CAST: variants seen among roughly 807,000 people sequenced by gnomAD.
CAST encodes the protein calpastatin.
A neutral mutation model predicts 119.6 loss-of-function variants in CAST; 76 were observed. The observed-to-expected ratio is 0.64, with a 90% CI of 0.53 to 0.77. CAST has a LOEUF of 0.77. Among genes scored for constraint, CAST ranks in the 30% least tolerant of loss-of-function variants. The pLI, the probability that CAST is intolerant of heterozygous loss-of-function variation, is 0.00. For synonymous variants in CAST, 319 were observed against 331.6 expected (o/e 0.96, Z 0.41); for missense variants, 953 against 946.5 (o/e 1.01, Z -0.09).
At chr5:96,379,121 A>C in the CAST span, among the ~76,000 whole-genome samples, 1 of 152,218 alleles carries the variant, frequency 6.6e-6, no homozygotes, top group African/African-American at 2.4e-5. Context: ...ATAGGATCAA[A>C]AATTAGGAAT....
chr5:96,325,798 A>C, the CAST span, among the ~76,000 whole-genome samples: 12 of 152,194 alleles, frequency 7.9e-5, no homozygotes, highest in Non-Finnish European at 1.5e-4. Context: ...CTTAGAAAGA[A>C]GCAATATAAA....
At chr5:96,403,297 G>T in the CAST span, among the ~76,000 whole-genome samples, 1 of 151,770 alleles carries the variant, frequency 6.6e-6, no homozygotes, top group Non-Finnish European at 1.5e-5. Flanking sequence ...TAAGTTCTAG[G>T]GTACATGTGC....
the CAST span, among the ~76,000 whole-genome samples, chr5:96,481,577 C>T: frequency 1.3e-5 from 2 of 152,160 alleles, no homozygotes; most frequent in Admixed American, 1.3e-4. Context: ...AGCCATAACA[C>T]TTCAGGAACT....
the CAST span, among the ~76,000 whole-genome samples, chr5:96,290,331 AG>A: frequency 1.3e-5 from 2 of 152,216 alleles, no homozygotes; most frequent in Non-Finnish European, 2.9e-5. Context: ...CTCAGGAAAA[AG>A]TTCATTCTCT....
At chr5:96,399,727 T>A in the CAST span, among the ~76,000 whole-genome samples, 940 of 152,222 alleles carry the variant, frequency 6.2e-3, 13 homozygotes, top group African/African-American at 0.022. Context: ...TTAGACTGGG[T>A]GCTATGTGGT....
At position 96,599,974 on chromosome 5, in the gene CAST, A is replaced by AAAAAAAAAACAAAAC. The variant is rs1554070022; in HGVS notation, c.60+70104_60+70105insAAAACAAAAAAAAAC. Among the ~76,000 whole-genome samples, 1,227 of 125,708 alleles carry AAAAAAAAAACAAAAC rather than the reference A, an allele frequency of 9.8e-3. 35 individuals carry two copies. The highest frequency in any genetic ancestry group is 0.031 in the African/African-American group (1,152 of 36,906). The allele number at this position is 125,708 out of a possible 152,430, so 82.5% of individuals were successfully genotyped here. ...ATTATTGCTTCATTAGGCAAAAAAA[A>AAAAAAAAAACAAAAC]AAAAAAAAACCCTCAAGCTCTGTTG... On this transcript the variant is annotated intron_variant, in intron 1 of 11. Coordinates refer to the CAST transcript ENST00000505143.
chr5:96,659,993 C>G (rs1748223180), upstream of CAST, among the ~76,000 whole-genome samples: 1 of 152,202 alleles, frequency 6.6e-6, no homozygotes, highest in Admixed American at 6.5e-5. Flanking sequence ...AATTGTTCTG[C>G]TTATGTGAGT....
chr5:96,529,325 T>A (rs1416302604), upstream of CAST, among the ~76,000 whole-genome samples: 2 of 152,056 alleles, frequency 1.3e-5, no homozygotes, highest in Non-Finnish European at 2.9e-5. Context: ...AAGGTACTCA[T>A]ATTGTTTTCT....
intron 1 of CAST, among the ~76,000 whole-genome samples, chr5:96,666,811 C>G (rs1159655155): frequency 2.0e-5 from 3 of 152,082 alleles, no homozygotes; most frequent in Non-Finnish European, 4.4e-5. Context: ...AATGCTATAG[C>G]CTTCTGGGGG....
At chr5:96,515,500 T>A in the CAST span, among the ~76,000 whole-genome samples, 22,475 of 152,000 alleles carry the variant, frequency 0.15, 1,987 homozygotes, top group Non-Finnish European at 0.2. Flanking sequence ...GGAGCCACAG[T>A]ATTCACGTCC....
the CAST span, among the ~76,000 whole-genome samples, chr5:96,142,687 C>T: frequency 7.9e-5 from 12 of 152,140 alleles, no homozygotes; most frequent in Non-Finnish European, 1.6e-4. Flanking sequence ...AATCTACTCA[C>T]ATGAGAAGAG....
At chr5:96,303,907 C>T in the CAST span, among the ~76,000 whole-genome samples, 1 of 152,156 alleles carries the variant, frequency 6.6e-6, no homozygotes, top group Admixed American at 6.5e-5. Context: ...CCACAATAAA[C>T]ATACGTGTGC....
At chr5:96,020,050 A>G in the CAST span, among the ~76,000 whole-genome samples, 1 of 152,190 alleles carries the variant, frequency 6.6e-6, no homozygotes, top group Non-Finnish European at 1.5e-5. Flanking sequence ...TGGTGTTTCA[A>G]TAACTCAGCA....
At position 96,740,021 on chromosome 5, in the gene CAST, G is replaced by T. The variant is rs769625939; in HGVS notation, c.799-17G>T. 2.3e-6 allele frequency: 3 copies of T among 1,319,144 alleles called. No homozygotes were observed. The highest frequency in any genetic ancestry group is 3.2e-6 in the Non-Finnish European group (3 of 924,752). The allele number at this position is 1,319,144 out of a possible 1,614,324, so 81.7% of individuals were successfully genotyped here. On this transcript the variant is annotated splice_polypyrimidine_tract_variant and intron_variant, in intron 11 of 31. Coordinates refer to ENST00000675179, the MANE Select transcript of CAST (RefSeq NM_001750.7). ...AATTAATTATATAATATCCCTATGT[G>T]TATGATTTTGTTCCAGGATCCAATG...
the CAST span, among the ~76,000 whole-genome samples, chr5:96,484,854 TGTACTGTCAATAAAA>T: frequency 6.6e-6 from 1 of 152,138 alleles, no homozygotes. Context: ...TCCCCTACTC[TGTACTGTCAATAAAA>T]GTACCTGTGA....
At chr5:96,446,898 T>C in the CAST span, among the ~76,000 whole-genome samples, 1 of 152,188 alleles carries the variant, frequency 6.6e-6, no homozygotes, top group African/African-American at 2.4e-5. Flanking sequence ...CAGACCAACA[T>C]CTAGAGAAGA....
chr5:96,403,677 A>T, the CAST span, among the ~76,000 whole-genome samples: 1 of 152,246 alleles, frequency 6.6e-6, no homozygotes, highest in East Asian at 1.9e-4. Context: ...TAATTAGAAG[A>T]GATGTAGGTA....
the CAST span, chr5:95,961,854 G>A: frequency 2.5e-6 from 3 of 1,204,936 alleles, no homozygotes; most frequent in Admixed American, 3.6e-5. Context: ...CATATACTGC[G>A]CGGAGCCAGA....
chr5:96,534,004 A>G (rs972429867), intron 1 of CAST, among the ~76,000 whole-genome samples: 3 of 152,244 alleles, frequency 2.0e-5, no homozygotes, highest in African/African-American at 7.2e-5. Context: ...AAAACAATTG[A>G]CAGTGTATAT....
Sources: gnomAD v4.1 joint callset for allele counts (sites outside exome capture counted in the v4.1 genomes callset) on GRCh38, gnomAD v4.1.1 for gene constraint, MANE v1.5 for transcripts, NCBI Gene and HGNC (gene_info 2026-07-23, HGNC 2026-07-21) for gene names.